FUT8: variants seen among roughly 807,000 people sequenced by gnomAD.
FUT8 encodes the protein alpha-(1,6)-fucosyltransferase.
Under a neutral mutation model 71.3 loss-of-function variants are expected in FUT8, and 29 were observed. That is an observed-to-expected ratio of 0.41 (90% confidence interval 0.30 to 0.55). The LOEUF (loss-of-function observed/expected upper bound fraction) is 0.55, where lower values mean the gene tolerates loss of function less well. Among genes scored for constraint, FUT8 ranks in the 20% least tolerant of loss-of-function variants. FUT8 has a pLI of 0.34. For synonymous variants in FUT8, 254 were observed against 239.3 expected, an observed-to-expected ratio of 1.06 and a Z score of -0.57; for missense variants, 544 against 702.1, an observed-to-expected ratio of 0.77 and a Z score of 2.55.
intron 2 of FUT8, among the ~76,000 whole-genome samples, chr14:65,515,532 T>C (rs560264523): frequency 6.6e-6 from 1 of 152,132 alleles, no homozygotes; most frequent in South Asian, 2.1e-4. Context: ...TGGGCAGATA[T>C]TGTAAAATCT....
At chr14:65,516,603 G>A (rs997947852) in intron 2 of FUT8, among the ~76,000 whole-genome samples, 5 of 151,890 alleles carry the variant, frequency 3.3e-5, no homozygotes, top group African/African-American at 1.2e-4. Flanking sequence ...AATTATTTTT[G>A]TAACTATTTT....
intron 1 of FUT8, among the ~76,000 whole-genome samples, chr14:65,436,678 C>T (rs539274451): frequency 6.6e-6 from 1 of 152,018 alleles, no homozygotes; most frequent in South Asian, 2.1e-4. Context: ...GTAAATGGCC[C>T]TGACAAGGTC....
intron 3 of FUT8, among the ~76,000 whole-genome samples, chr14:65,600,054 G>A (rs917744083): frequency 6.6e-6 from 1 of 152,148 alleles, no homozygotes; most frequent in Non-Finnish European, 1.5e-5. Context: ...TTTAATAGTA[G>A]AGTAACTTGA....
chr14:65,742,392 T>C lies in FUT8; in HGVS notation c.1710T>C (p.Tyr570=), dbSNP rs1169058856. The C allele has an allele frequency of 8.1e-6, 13 of 1,610,984 alleles. No individual in the cohort carries two copies. Among genetic ancestry groups the C allele is most frequent in the Non-Finnish European group, 1.1e-5 (13 of 1,178,034 alleles). The change falls in exon 11 of 11, where the codon TAT becomes TAC. Residue 570 remains tyrosine, a synonymous_variant. Coordinates refer to ENST00000673929, the MANE Select transcript of FUT8 (RefSeq NM_001371533.1). ...TAGAAACGGTCAAGTACCCCACATA[T>C]CCTGAGGCTGAGAAATAAAGCTCAG... The part of the protein sequence containing the change: ...EKIETVKYPT[Y]PEAEK
At chr14:65,640,615 C>CT (rs1890779875) in intron 6 of FUT8, among the ~76,000 whole-genome samples, 1 of 152,018 alleles carries the variant, frequency 6.6e-6, no homozygotes, top group African/African-American at 2.4e-5. Flanking sequence ...TTTGTGTTCT[C>CT]TAACATAATA....
chr14:65,420,246 G>C (rs1322484325), intron 1 of FUT8, among the ~76,000 whole-genome samples: 1 of 150,722 alleles, frequency 6.6e-6, no homozygotes, highest in African/African-American at 2.4e-5. Flanking sequence ...TGTCAGACTA[G>C]ATAACAAAGA....
At chr14:65,691,808 C>G (rs984040964) in intron 7 of FUT8, among the ~76,000 whole-genome samples, 21 of 151,962 alleles carry the variant, frequency 1.4e-4, no homozygotes, top group African/African-American at 2.7e-4. Context: ...TGACTCTTAA[C>G]GAGCATGCTG....
At chr14:65,580,585 ACT>A in intron 3 of FUT8, among the ~76,000 whole-genome samples, 1 of 152,076 alleles carries the variant, frequency 6.6e-6, no homozygotes, top group African/African-American at 2.4e-5. Context: ...TTGGTTGATC[ACT>A]CATTATTATT....
At chr14:65,372,381 A>G in the FUT8 span, among the ~76,000 whole-genome samples, 15 of 151,782 alleles carry the variant, frequency 9.9e-5, no homozygotes, top group Admixed American at 7.2e-4. Flanking sequence ...TTTTCAAACT[A>G]TCTTAGTTTC....
intron 6 of FUT8, among the ~76,000 whole-genome samples, chr14:65,661,739 A>G (rs554089360): frequency 8.5e-5 from 13 of 152,348 alleles, no homozygotes; most frequent in African/African-American, 2.4e-4. Flanking sequence ...GTGGAAACCC[A>G]TAAATCCTAG....
chr14:65,576,643 T>G (rs1042970573), intron 3 of FUT8, among the ~76,000 whole-genome samples: 3 of 142,788 alleles, frequency 2.1e-5, no homozygotes, highest in African/African-American at 7.7e-5. Flanking sequence ...ATCCTCCTAC[T>G]TCAGCCTCCC....
intron 2 of FUT8, among the ~76,000 whole-genome samples, chr14:65,485,589 C>G (rs1001586229): frequency 6.6e-6 from 1 of 152,230 alleles, no homozygotes; most frequent in Non-Finnish European, 1.5e-5. Context: ...ACTATTCTCT[C>G]AAATTCTTTC....
chr14:65,730,487 C>T (rs1895923598), intron 9 of FUT8, among the ~76,000 whole-genome samples: 1 of 152,138 alleles, frequency 6.6e-6, no homozygotes, highest in South Asian at 2.1e-4. Flanking sequence ...TCCTGGCTAA[C>T]ATGGTAAAAC....
Position 65,713,721 on chromosome 14 carries a change from T to C in FUT8, c.836-8054T>C, listed in dbSNP as rs568750350. 3.5e-3 allele frequency among the ~76,000 whole-genome samples: 530 copies of C among 152,330 alleles called. 2 individuals carry two copies. Among genetic ancestry groups the C allele is most frequent in the African/African-American group, 0.012 (503 of 41,564 alleles). ...ATCGGATCTTTTGCCCATTTTTGAT[T>C]GGATTATTACTTTTATCCTGTAGAG... On this transcript the variant is annotated intron_variant, in intron 7 of 10. Transcript: ENST00000673929.
At chr14:65,357,313 C>A in the FUT8 span, among the ~76,000 whole-genome samples, 1 of 152,174 alleles carries the variant, frequency 6.6e-6, no homozygotes, top group Non-Finnish European at 1.5e-5. Context: ...CCAGAAGCCT[C>A]GGGCAAGTCT....
At chr14:65,674,269 G>A (rs1892608882) in intron 7 of FUT8, among the ~76,000 whole-genome samples, 1 of 152,102 alleles carries the variant, frequency 6.6e-6, no homozygotes, top group South Asian at 2.1e-4. Context: ...TCTCTGTTTA[G>A]GGGATCTGAG....
intron 9 of FUT8, among the ~76,000 whole-genome samples, chr14:65,729,349 C>T (rs558838671): frequency 5.9e-5 from 9 of 152,122 alleles, no homozygotes; most frequent in South Asian, 4.2e-4. Flanking sequence ...CATACATATA[C>T]GCTGTACAGA....
chr14:65,710,257 T>G (rs1282304655), intron 7 of FUT8, among the ~76,000 whole-genome samples: 2 of 152,136 alleles, frequency 1.3e-5, no homozygotes, highest in African/African-American at 2.4e-5. Context: ...ATAATACATA[T>G]GGTACATGGA....
chr14:65,481,920 GCTTGT>G (rs2066337418), intron 2 of FUT8, among the ~76,000 whole-genome samples: 1 of 151,978 alleles, frequency 6.6e-6, no homozygotes, highest in South Asian at 2.1e-4. Flanking sequence ...CTGGACTGTT[GCTTGT>G]CTTTTCTTTC....
Sources: gnomAD v4.1 joint callset for allele counts (sites outside exome capture counted in the v4.1 genomes callset) on GRCh38, gnomAD v4.1.1 for gene constraint, MANE v1.5 for transcripts, NCBI Gene and HGNC (gene_info 2026-07-23, HGNC 2026-07-21) for gene names.